CACUL1: variants seen among roughly 807,000 people sequenced by gnomAD.
CACUL1 encodes the protein CDK2 associated cullin domain 1.
Under a neutral mutation model 45.2 loss-of-function variants are expected in CACUL1, and 13 were observed. The ratio of observed to expected loss-of-function variants is 0.29; its 90% CI spans 0.19 to 0.46. The LOEUF is 0.46. CACUL1 is among the 20% of genes least tolerant of loss of function. The pLI, the probability that CACUL1 is intolerant of heterozygous loss-of-function variation, is 1.00. For missense variants in CACUL1, 421 were observed against 471.4 expected, an observed-to-expected ratio of 0.89 and a Z score of 0.99; for synonymous variants, 197 against 174.2, an observed-to-expected ratio of 1.13 and a Z score of -1.03.
At chr10:118,714,093 T>C (rs1845519004) in intron 3 of CACUL1, among the ~76,000 whole-genome samples, 1 of 152,230 alleles carries the variant, frequency 6.6e-6, no homozygotes, top group African/African-American at 2.4e-5. Context: ...TGTTTTTACA[T>C]TTTTGCAAGT....
chr10:118,686,018 C>G lies in CACUL1; in HGVS notation c.*110G>C. ...GTCCAACATCCTCTTCCATGAACAGCTTTGTGACAGAGCTCCTGAGTGTGT... is the reference window on the plus strand; with the variant it reads ...GTCCAACATCCTCTTCCATGAACAGGTTTGTGACAGAGCTCCTGAGTGTGT... On this transcript the variant is annotated 3_prime_UTR_variant, in exon 9 of 9. Transcript: ENST00000369151. 3.0e-6 allele frequency: 2 copies of G among 671,668 alleles called. No homozygotes were observed. Among genetic ancestry groups the G allele is most frequent in the Non-Finnish European group, 5.2e-6 (2 of 387,142 alleles). The allele number at this position is 671,668 out of a possible 1,614,324, so 41.6% of individuals were successfully genotyped here.
chr10:118,717,383 C>T (rs1845556710), intron 3 of CACUL1, among the ~76,000 whole-genome samples: 1 of 152,108 alleles, frequency 6.6e-6, no homozygotes, highest in African/African-American at 2.4e-5. Flanking sequence ...GGCTTCTTGA[C>T]TAGTATCAAA....
intron 1 of CACUL1, among the ~76,000 whole-genome samples, chr10:118,740,753 C>T (rs535805317): frequency 4.0e-4 from 61 of 152,018 alleles, no homozygotes; most frequent in Non-Finnish European, 7.1e-4. Flanking sequence ...GGTGAAACCC[C>T]GTCTCTACTA....
At chr10:118,731,324 G>C (rs1391884614) in intron 1 of CACUL1, among the ~76,000 whole-genome samples, 1 of 152,070 alleles carries the variant, frequency 6.6e-6, no homozygotes, top group Non-Finnish European at 1.5e-5. Context: ...AGAACTCAAG[G>C]CTCATTACTG....
chr10:118,700,195 G>A (rs1016548835), intron 5 of CACUL1, among the ~76,000 whole-genome samples: 2 of 152,128 alleles, frequency 1.3e-5, no homozygotes, highest in East Asian at 1.9e-4. Flanking sequence ...TGTGGTGAAC[G>A]CTAATTACGG....
chr10:118,722,461 C>G (rs1845610351), intron 3 of CACUL1, among the ~76,000 whole-genome samples: 1 of 152,134 alleles, frequency 6.6e-6, no homozygotes, highest in Non-Finnish European at 1.5e-5. Flanking sequence ...CAGCTCCATC[C>G]TGCCTGAGAT....
At chr10:118,717,516 C>T (rs932767807) in intron 3 of CACUL1, among the ~76,000 whole-genome samples, 1 of 152,122 alleles carries the variant, frequency 6.6e-6, no homozygotes, top group African/African-American at 2.4e-5. Flanking sequence ...CCAAAATAAT[C>T]ATAATTTTTC....
rs1270705765 is a variant in CACUL1 at position 118,678,686 on chromosome 10, C to T, written c.*7442G>A. ...GTACTTTTTCTTGTCCTATTATAAA[C>T]AGCATTTCTTAATTACATTAAAAAG... is the stretch of plus-strand genomic sequence containing the variant. On this transcript the variant is annotated 3_prime_UTR_variant, in exon 9 of 9. Coordinates refer to ENST00000369151, the MANE Select transcript of CACUL1 (RefSeq NM_153810.5). 1 of 151,912 alleles carries T rather than the reference C, an allele frequency of 6.6e-6. No homozygotes were observed. The highest frequency in any genetic ancestry group is 1.9e-4 in the East Asian group (1 of 5,196). The allele number at this position is 151,912 out of a possible 1,614,324, so 9.4% of individuals were successfully genotyped here. A position where few individuals can be genotyped will look rare whatever the true frequency, so the allele number is the denominator to read the frequency against.
intron 1 of CACUL1, among the ~76,000 whole-genome samples, chr10:118,739,387 A>T (rs1160107247): frequency 6.6e-6 from 1 of 152,162 alleles, no homozygotes; most frequent in African/African-American, 2.4e-5. Context: ...TAACACATTA[A>T]TATAAAAAAA....
intron 1 of CACUL1, among the ~76,000 whole-genome samples, chr10:118,749,144 TGCTG>T (rs1845872219): frequency 6.6e-6 from 1 of 152,068 alleles, no homozygotes; most frequent in Non-Finnish European, 1.5e-5. Flanking sequence ...CTGAAAAAAA[TGCTG>T]TGGTGGTTGT....
intron 5 of CACUL1, among the ~76,000 whole-genome samples, chr10:118,698,223 A>T (rs1845342436): frequency 6.7e-6 from 1 of 149,122 alleles, no homozygotes; most frequent in Admixed American, 6.7e-5. Flanking sequence ...GGCTCACTGC[A>T]ACCTCTGACT....
At chr10:118,730,472 A>C in intron 1 of CACUL1, 62 bp from the exon 2 acceptor site, 1 of 1,479,018 alleles carries the variant, frequency 6.8e-7, no homozygotes, top group Non-Finnish European at 9.2e-7. Flanking sequence ...CACAAATCAC[A>C]GCCATTTTGC....
intron 3 of CACUL1, among the ~76,000 whole-genome samples, chr10:118,718,512 G>A (rs908974180): frequency 3.4e-4 from 52 of 152,230 alleles, no homozygotes; most frequent in Non-Finnish European, 1.0e-4. Context: ...TGCACCAGCA[G>A]AGTTAAGCAC....
chr10:118,738,892 TAAAAAAAAAAA>T (rs150393133), intron 1 of CACUL1, among the ~76,000 whole-genome samples: 1 of 62,270 alleles, frequency 1.6e-5, no homozygotes. Context: ...CAAGTGCTCT[TAAAAAAAAAAA>T]AAAAAAAAAA....
intron 2 of CACUL1, 97 bp downstream of exon 2, chr10:118,730,187 T>C: frequency 7.9e-7 from 1 of 1,263,980 alleles, no homozygotes. Context: ...AGCCTCATCT[T>C]ATGCATTCTA....
intron 4 of CACUL1, 124 bp downstream of exon 4, chr10:118,707,363 ATAACT>A (rs573608508): frequency 3.2e-5 from 16 of 503,846 alleles, no homozygotes; most frequent in Middle Eastern, 2.8e-4. Flanking sequence ...CATTACTGAA[ATAACT>A]TAATTTCCAT....
chr10:118,728,813 G>GC (rs1281593254), intron 3 of CACUL1, among the ~76,000 whole-genome samples: 1 of 152,058 alleles, frequency 6.6e-6, no homozygotes, highest in Non-Finnish European at 1.5e-5. Flanking sequence ...TCTGCAACCT[G>GC]CCCCAGATTT....
At chr10:118,748,360 T>G (rs1256482634) in intron 1 of CACUL1, among the ~76,000 whole-genome samples, 1 of 152,198 alleles carries the variant, frequency 6.6e-6, no homozygotes, top group Non-Finnish European at 1.5e-5. Context: ...CCAAGTTTGA[T>G]GTTCTTCAGC....
At chr10:118,743,243 A>C (rs994132432) in intron 1 of CACUL1, among the ~76,000 whole-genome samples, 1 of 152,188 alleles carries the variant, frequency 6.6e-6, no homozygotes, top group African/African-American at 2.4e-5. Context: ...GACTCATGGT[A>C]CAATAACAAG....
Sources: gnomAD v4.1 joint callset for allele counts (sites outside exome capture counted in the v4.1 genomes callset) on GRCh38, gnomAD v4.1.1 for gene constraint, MANE v1.5 for transcripts, NCBI Gene and HGNC (gene_info 2026-07-23, HGNC 2026-07-21) for gene names.